Variants in GAREM2 observed in about 807,000 individuals in gnomAD.
GAREM2 encodes the protein GRB2-associated and regulator of MAPK protein 2.
A neutral mutation model predicts 55.6 loss-of-function variants in GAREM2; 30 were observed. That is an observed-to-expected ratio of 0.54 (90% CI 0.40 to 0.73). The LOEUF is 0.73. Among genes scored for constraint, GAREM2 ranks in the 30% least tolerant of loss-of-function variants. The pLI, the probability that GAREM2 is intolerant of heterozygous loss-of-function variation, is 0.00. For missense variants in GAREM2, 1,075 were observed against 1,257.7 expected, an observed-to-expected ratio of 0.85 and a Z score of 2.20; for synonymous variants, 550 against 569.1, an observed-to-expected ratio of 0.97 and a Z score of 0.48.
chr2:26,192,219 T>TAAA, downstream of GAREM2: 31 of 658,730 alleles, frequency 4.7e-5, no homozygotes, highest in South Asian at 6.8e-5. Flanking sequence ...CTTAAAGTAT[T>TAAA]AAAAAAAAAA....
chr2:26,191,456 G>C (rs1397284716), downstream of GAREM2: 5 of 1,614,172 alleles, frequency 3.1e-6, no homozygotes, highest in Admixed American at 8.3e-5. Flanking sequence ...GCTAAAGTGA[G>C]CTTCCTTCCC....
At chr2:26,175,066 G>T (rs57674158) in intron 1 of GAREM2, among the ~76,000 whole-genome samples, 1 of 151,096 alleles carries the variant, frequency 6.6e-6, no homozygotes, top group African/African-American at 2.5e-5. Context: ...TGAACCGCCC[G>T]CCACCCTGCC....
chr2:26,196,433 T>TG, the GAREM2 span, among the ~76,000 whole-genome samples: 1 of 152,226 alleles, frequency 6.6e-6, no homozygotes, highest in African/African-American at 2.4e-5. Flanking sequence ...GCACAGATCT[T>TG]GAAGTGTTCA....
chr2:26,192,383 C>A, downstream of GAREM2: 1 of 1,608,722 alleles, frequency 6.2e-7, no homozygotes, highest in Middle Eastern at 1.7e-4. Flanking sequence ...TTCCTCTTCA[C>A]ACCCTCCTGA....
Position 26,187,239 on chromosome 2 carries a change from C to T in GAREM2, c.1607C>T (p.Ser536Phe). Residue 536 changes from serine (S) to phenylalanine (F), a missense_variant, in exon 6 of 6, where the codon TCC becomes TTC. Coordinates refer to ENST00000401533, the MANE Select transcript of GAREM2 (RefSeq NM_001168241.2). The stretch of plus-strand genomic sequence containing the variant: ...TCTGTCTCTGTCCACAGGGCGGGTT[C>T]CCGCAGTGGCAGTGGCTCCCCATCG... ...YSSGLQDGAG[S>F]RSGSGSPSPD... 1 of 1,450,178 alleles carries T rather than the reference C, an allele frequency of 6.9e-7. No individual in the cohort carries two copies. The highest frequency in any genetic ancestry group is 9.1e-7 in the Non-Finnish European group (1 of 1,095,862). 89.8% of individuals were successfully genotyped at this position (1,450,178 alleles called of 1,614,324 possible).
downstream of GAREM2, chr2:26,191,435 A>T: frequency 6.2e-7 from 1 of 1,614,168 alleles, no homozygotes; most frequent in African/African-American, 1.3e-5. Context: ...GAGACGCAAC[A>T]CGGGCTCCAG....
the GAREM2 span, among the ~76,000 whole-genome samples, chr2:26,200,665 GAT>G: frequency 5.3e-5 from 8 of 152,098 alleles, no homozygotes; most frequent in Non-Finnish European, 1.2e-4. Context: ...TTAGAATTTA[GAT>G]TTGACCTTTA....
the GAREM2 span, chr2:26,201,274 C>T: frequency 6.2e-7 from 1 of 1,611,946 alleles, no homozygotes; most frequent in South Asian, 1.1e-5. Flanking sequence ...AAGATGGAAT[C>T]CCTTTCAAAT....
downstream of GAREM2, among the ~76,000 whole-genome samples, chr2:26,192,889 G>A (rs1045651690): frequency 2.6e-5 from 4 of 152,204 alleles, no homozygotes; most frequent in Non-Finnish European, 4.4e-5. Flanking sequence ...GGCAGAGAAG[G>A]AAAGAAGATC....
At chr2:26,181,958 G>A (rs1038243931) in intron 2 of GAREM2, 6 of 980,324 alleles carry the variant, frequency 6.1e-6, no homozygotes, top group South Asian at 4.7e-5. Context: ...CAGCCTGGGC[G>A]ACAGCAAGAC....
Position 26,188,476 on chromosome 2 carries a change from G to A in GAREM2, c.*219G>A, listed in dbSNP as rs1199249045. On this transcript the variant is annotated 3_prime_UTR_variant, in exon 6 of 6. Transcript: ENST00000401533. ...GCCTTTGAGTGTGCAGAGTACATGGGGAAGGGGCTGGGGGCACCACTGTGT... is the reference window on the plus strand; with the variant it reads ...GCCTTTGAGTGTGCAGAGTACATGGAGAAGGGGCTGGGGGCACCACTGTGT... 2.4e-6 allele frequency: 1 copy of A among 417,506 alleles called. No homozygotes were observed. The highest frequency in any genetic ancestry group is 4.2e-6 in the Non-Finnish European group (1 of 237,758). 25.9% of individuals were successfully genotyped at this position (417,506 alleles called of 1,614,324 possible).
chr2:26,195,193 G>C, the GAREM2 span: 3 of 1,611,508 alleles, frequency 1.9e-6, no homozygotes, highest in African/African-American at 1.3e-5. Flanking sequence ...TCCAGCAGCT[G>C]CATCTTGTCC....
chr2:26,185,272 A>T lies in GAREM2; in HGVS notation c.1424A>T (p.Glu475Val). 1 of 1,513,932 alleles carries T rather than the reference A, an allele frequency of 6.6e-7. No individual in the cohort carries two copies. The highest frequency in any genetic ancestry group is 8.8e-7 in the Non-Finnish European group (1 of 1,137,878). 93.8% of individuals were successfully genotyped at this position (1,513,932 alleles called of 1,614,324 possible). Residue 475 changes from glutamate to valine, a missense_variant, in exon 4 of 6, where the codon GAG (glutamate) becomes GTG (valine). Transcript: ENST00000401533. ...CCGCCTCCAGTCCCTCCCAAATCCG[A>T]GGCGGTGAGTGAGCGCGCTGGGGGC... ...APPPPVPPKSEAVKEECRLLN... is the reference protein window; with the variant it reads ...APPPPVPPKSVAVKEECRLLN...
At chr2:26,199,965 G>T in the GAREM2 span, among the ~76,000 whole-genome samples, 61 of 152,250 alleles carry the variant, frequency 4.0e-4, no homozygotes, top group Non-Finnish European at 6.0e-4. Context: ...GCAGAGCCCT[G>T]CCCAGATTGC....
rs995087452 is a variant in GAREM2, at chr2:26,178,412, C to A, written c.253+1928C>A. 5.2e-3 allele frequency among the ~76,000 whole-genome samples: 64 copies of A among 12,320 alleles called. 2 individuals carry two copies. In the East Asian group the frequency reaches 0.15, roughly 30 times the overall value. 8.1% of individuals were successfully genotyped at this position (12,320 alleles called of 152,430 possible). Reference sequence around the variant, plus strand: ...ACAAACAAAAACAAAAACAAACAACCCCCCCCCCCAACAACAAATAAATTA... The same window carrying A: ...ACAAACAAAAACAAAAACAAACAACACCCCCCCCCAACAACAAATAAATTA... On this transcript the variant is annotated intron_variant, in intron 2 of 5. Transcript: ENST00000401533.
downstream of GAREM2, among the ~76,000 whole-genome samples, chr2:26,194,181 C>T (rs929383719): frequency 1.3e-5 from 2 of 152,184 alleles, no homozygotes; most frequent in Non-Finnish European, 2.9e-5. Flanking sequence ...CCTCTCCTTT[C>T]CTGCCAGAAT....
At chr2:26,193,634 G>C (rs267599303), downstream of GAREM2, 5 of 1,613,986 alleles carry the variant, frequency 3.1e-6, no homozygotes, top group Non-Finnish European at 4.2e-6. Context: ...CCTCCAAACC[G>C]CTCCCCAAAG....
At position 26,185,155 on chromosome 2, in the gene GAREM2, A is replaced by G. The variant is rs1362237325; in HGVS notation, c.1307A>G (p.Gln436Arg). 10 of 1,502,946 alleles carry G rather than the reference A, an allele frequency of 6.7e-6. No homozygotes were observed. Among genetic ancestry groups the G allele is most frequent in the East Asian group, 2.7e-5 (1 of 36,420 alleles). The allele number at this position is 1,502,946 out of a possible 1,614,324, so 93.1% of individuals were successfully genotyped here. ...EIPYEELWAH[Q>R]GPEGLVRPPP... ...CCCTACGAGGAGTTGTGGGCGCACC[A>G]GGGGCCCGAGGGCCTCGTCCGGCCG... Residue 436 changes from glutamine to arginine, a missense_variant, in exon 4 of 6, where the codon CAG (glutamine) becomes CGG (arginine). Physicochemically the swap from Gln to Arg is conservative, Grantham distance 43. Coordinates refer to ENST00000401533, the MANE Select transcript of GAREM2 (RefSeq NM_001168241.2).
At chr2:26,182,480 G>T in intron 2 of GAREM2, 9 of 1,550,528 alleles carry the variant, frequency 5.8e-6, no homozygotes, top group Non-Finnish European at 7.0e-6. Context: ...CGATGCACAG[G>T]ATGCCAGATC....
Sources: gnomAD v4.1 joint callset for allele counts (sites outside exome capture counted in the v4.1 genomes callset) on GRCh38, gnomAD v4.1.1 for gene constraint, MANE v1.5 for transcripts, NCBI Gene and HGNC (gene_info 2026-07-23, HGNC 2026-07-21) for gene names.